SASH1: variants seen among roughly 807,000 people sequenced by gnomAD.
SASH1 encodes SAM and SH3 domain containing 1, also known as SAM and SH3 domain-containing protein 1.
SASH1 carries 44 observed loss-of-function variants against 125.2 expected under a neutral mutation model. That is an observed-to-expected ratio of 0.35 (90% confidence interval 0.28 to 0.45). The LOEUF is 0.45. SASH1 is among the 20% of genes least tolerant of loss of function. SASH1 has a pLI of 1.00. For missense variants in SASH1, 1,426 were observed against 1,614.5 expected, an observed-to-expected ratio of 0.88 and a Z score of 2.00; for synonymous variants, 639 against 649.1, an observed-to-expected ratio of 0.98 and a Z score of 0.24.
chr6:148,318,186 C>A lies in SASH1; in HGVS notation n.74+45809C>A, dbSNP rs1342978182. 2.0e-5 allele frequency among the ~76,000 whole-genome samples: 3 copies of A among 152,264 alleles called. No individual in the cohort carries two copies. In the East Asian group the frequency reaches 5.8e-4, roughly 29 times the overall value. Reference sequence around the variant, plus strand: ...TTAGAACACTTCTATGTCTGGCTGGCATTGAATTTGTCTCCATGAATGCTT... The same window carrying A: ...TTAGAACACTTCTATGTCTGGCTGGAATTGAATTTGTCTCCATGAATGCTT... On this transcript the variant is annotated intron_variant and non_coding_transcript_variant, in intron 1 of 3. Transcript: ENST00000367469.
At chr6:148,311,319 C>T (rs963226373) in intron 1 of SASH1, among the ~76,000 whole-genome samples, 1 of 151,688 alleles carries the variant, frequency 6.6e-6, no homozygotes, top group African/African-American at 2.4e-5. Context: ...GTTGGCCAGG[C>T]TCATCTCAAA....
At position 148,406,058 on chromosome 6, in the gene SASH1, G is replaced by A. The variant is rs1052987133; in HGVS notation, c.285+15796G>A. Among the ~76,000 whole-genome samples the A allele has an allele frequency of 4.6e-5, 7 of 152,324 alleles. No homozygotes were observed. In the East Asian group the frequency reaches 1.3e-3, roughly 29 times the overall value. On this transcript the variant is annotated intron_variant, in intron 2 of 19. Transcript: ENST00000367467. ...CTGTGCCTATGCCACACCGATTTCA[G>A]AATGGGGCAGGGTAGGGCAGGGCTG...
the SASH1 span, among the ~76,000 whole-genome samples, chr6:148,210,273 A>T: frequency 6.6e-6 from 1 of 152,338 alleles, no homozygotes; most frequent in South Asian, 2.1e-4. Context: ...CACACCTGTA[A>T]TTCCAGCACT....
At position 148,519,642 on chromosome 6, in the gene SASH1, T is replaced by C; in HGVS notation, c.958T>C (p.Ser320Pro). The change falls in exon 10 of 20, where the codon TCT becomes CCT. Residue 320 changes from serine (S) to proline (P), a missense_variant. By Grantham distance (74) the Ser-to-Pro change is moderately conservative. This residue lies in a region of SASH1 where 567 missense variants were observed against 575.6 expected (regional missense o/e 0.99). Transcript: ENST00000367467. The surrounding 1 kb of genome is among the most constrained non-coding windows in gnomAD (Gnocchi z 4.8). ...VHKKPLFFDG[S>P]PEKPPEDDSD... is the part of the protein sequence containing the mutation. ...CAAGAAGCCCCTTTTCTTTGATGGC[T>C]CTCCTGAGAAACCTCCCGAAGATGA... 1 of 1,614,024 alleles carries C rather than the reference T, an allele frequency of 6.2e-7. No individual in the cohort carries two copies. Among genetic ancestry groups the C allele is most frequent in the Non-Finnish European group, 8.5e-7 (1 of 1,180,016 alleles).
chr6:148,305,581 G>T (rs1203400405), intron 1 of SASH1, among the ~76,000 whole-genome samples: 1 of 142,204 alleles, frequency 7.0e-6, no homozygotes, highest in African/African-American at 2.6e-5. Flanking sequence ...CAAAGATCGT[G>T]CCATTGCACT....
intron 8 of SASH1, among the ~76,000 whole-genome samples, chr6:148,500,269 G>C (rs950593227): frequency 1.3e-5 from 2 of 149,884 alleles, no homozygotes; most frequent in Non-Finnish European, 3.0e-5. Flanking sequence ...TTCATTTTGT[G>C]GTCCATTTAT....
At chr6:148,194,790 C>T in the SASH1 span, among the ~76,000 whole-genome samples, 3 of 152,184 alleles carry the variant, frequency 2.0e-5, no homozygotes, top group Admixed American at 6.5e-5. Flanking sequence ...CCTGTAGTCC[C>T]AGCTACTCGG....
chr6:148,524,417 G>T (rs1459441308), intron 10 of SASH1: 2 of 151,970 alleles, frequency 1.3e-5, no homozygotes, highest in African/African-American at 2.4e-5. Context: ...TCACTCAGTG[G>T]CTTTTACTAG....
At chr6:148,508,208 G>C (rs543617627) in intron 8 of SASH1, among the ~76,000 whole-genome samples, 2 of 152,272 alleles carry the variant, frequency 1.3e-5, no homozygotes, top group South Asian at 2.1e-4. Flanking sequence ...GGGAGAGAGA[G>C]AGAAAGTGAC....
intron 1 of SASH1, among the ~76,000 whole-genome samples, chr6:148,335,561 T>C (rs1582980829): frequency 6.6e-6 from 1 of 151,204 alleles, no homozygotes; most frequent in African/African-American, 2.4e-5. Context: ...AAGTTGGTAG[T>C]TTGAATAAAT....
chr6:148,426,163 C>T (rs1387223497), intron 2 of SASH1, among the ~76,000 whole-genome samples: 3 of 152,070 alleles, frequency 2.0e-5, no homozygotes, highest in Non-Finnish European at 2.9e-5. Context: ...GAGCCGAGAT[C>T]GTGCCACTGC....
chr6:148,261,217 T>A, the SASH1 span, among the ~76,000 whole-genome samples: 2 of 152,206 alleles, frequency 1.3e-5, no homozygotes, highest in Non-Finnish European at 2.9e-5. Flanking sequence ...AATCCCTAGA[T>A]AGAATAGTCA....
At chr6:148,245,631 G>A in the SASH1 span, among the ~76,000 whole-genome samples, 1 of 152,120 alleles carries the variant, frequency 6.6e-6, no homozygotes, top group African/African-American at 2.4e-5. Context: ...TAGTGAGAAG[G>A]GGGTAGTGTT....
intron 1 of SASH1, among the ~76,000 whole-genome samples, chr6:148,301,935 G>A (rs937541038): frequency 4.6e-5 from 7 of 151,578 alleles, no homozygotes; most frequent in Admixed American, 3.3e-4. Context: ...TTCACTAAAT[G>A]ATCATTATGT....
chr6:148,364,359 T>C (rs999177130), intron 1 of SASH1, among the ~76,000 whole-genome samples: 2 of 152,066 alleles, frequency 1.3e-5, no homozygotes, highest in Admixed American at 6.6e-5. Context: ...CCACTTTCCT[T>C]TGGGGACACA....
At chr6:148,203,780 T>C in the SASH1 span, among the ~76,000 whole-genome samples, 1 of 152,172 alleles carries the variant, frequency 6.6e-6, no homozygotes, top group East Asian at 1.9e-4. Flanking sequence ...GCATCACCGG[T>C]TACTCACCAG....
At chr6:148,226,803 G>T in the SASH1 span, among the ~76,000 whole-genome samples, 2 of 152,094 alleles carry the variant, frequency 1.3e-5, no homozygotes, top group Non-Finnish European at 2.9e-5. Flanking sequence ...CTTTTTAGGA[G>T]CCAGGCAACC....
chr6:148,482,822 G>C (rs1778688757), intron 7 of SASH1, among the ~76,000 whole-genome samples: 1 of 151,688 alleles, frequency 6.6e-6, no homozygotes, highest in Non-Finnish European at 1.5e-5. Flanking sequence ...CCAAGTAGCT[G>C]GGACTACAGG....
the SASH1 span, among the ~76,000 whole-genome samples, chr6:148,255,933 T>G: frequency 6.6e-6 from 1 of 152,190 alleles, no homozygotes; most frequent in African/African-American, 2.4e-5. Context: ...TGAGACACCA[T>G]GCTTGGCCAA....
Sources: allele counts gnomAD v4.1 joint callset (sites outside exome capture counted in the v4.1 genomes callset), GRCh38; gene constraint gnomAD v4.1.1; regional missense constraint gnomAD v4.1.1; non-coding constraint Gnocchi (gnomAD v3.1); transcripts MANE v1.5; gene names NCBI Gene and HGNC (gene_info 2026-07-23, HGNC 2026-07-21).